Variants in FAM81A observed in about 807,000 individuals in gnomAD.
FAM81A encodes the protein family with sequence similarity 81 member A.
Under a neutral mutation model 46.7 loss-of-function variants are expected in FAM81A, and 19 were observed. That is an observed-to-expected ratio of 0.41 (90% CI 0.28 to 0.60). The LOEUF is 0.60. Ranked by LOEUF, FAM81A falls within the 20% of genes least tolerant of loss-of-function variation. The pLI, the probability that FAM81A is intolerant of heterozygous loss-of-function variation, is 0.34. For synonymous variants in FAM81A, 183 were observed against 152.9 expected (o/e 1.20, Z -1.45); for missense variants, 377 against 453.5 (o/e 0.83, Z 1.53).
At chr15:59,498,840 A>T (rs2082061156) in intron 4 of FAM81A, among the ~76,000 whole-genome samples, 1 of 152,098 alleles carries the variant, frequency 6.6e-6, no homozygotes, top group East Asian at 1.9e-4. Context: ...TTTCTGTTAG[A>T]GATGGGGATT....
chr15:59,450,693 T>C (rs542146468), intron 1 of FAM81A, among the ~76,000 whole-genome samples: 1 of 152,358 alleles, frequency 6.6e-6, no homozygotes, highest in East Asian at 1.9e-4. Context: ...ATGTTGCATA[T>C]ATTAAGAACA....
intron 2 of FAM81A, among the ~76,000 whole-genome samples, chr15:59,422,089 A>C (rs1162161141): frequency 6.6e-6 from 1 of 152,174 alleles, no homozygotes; most frequent in African/African-American, 2.4e-5. Context: ...TAAGCATTTT[A>C]AAGTATTTTT....
chr15:59,405,125 C>G (rs985960675), intron 2 of FAM81A, among the ~76,000 whole-genome samples: 1 of 152,346 alleles, frequency 6.6e-6, no homozygotes, highest in South Asian at 2.1e-4. Context: ...TCCCTGACCA[C>G]TCAGTCTAAG....
chr15:59,426,290 A>T, intron 2 of FAM81A, among the ~76,000 whole-genome samples: 1 of 143,322 alleles, frequency 7.0e-6, no homozygotes, highest in African/African-American at 2.8e-5. Context: ...ACTCTGGATT[A>T]AAAAAAAAAA....
At chr15:59,414,057 G>A (rs1013285157) in intron 2 of FAM81A, among the ~76,000 whole-genome samples, 1 of 152,042 alleles carries the variant, frequency 6.6e-6, no homozygotes, top group Non-Finnish European at 1.5e-5. Flanking sequence ...GGGTTCAAGC[G>A]ATTCTCTTCC....
intron 1 of FAM81A, among the ~76,000 whole-genome samples, chr15:59,455,697 G>A (rs575997952): frequency 6.6e-4 from 100 of 152,150 alleles, no homozygotes; most frequent in Non-Finnish European, 1.2e-3. Context: ...GCTGCATAGC[G>A]CTTAGGAGGG....
At chr15:59,470,398 A>T (rs1216849015) in intron 3 of FAM81A, among the ~76,000 whole-genome samples, 1 of 151,974 alleles carries the variant, frequency 6.6e-6, no homozygotes, top group Non-Finnish European at 1.5e-5. Context: ...GGCTTTACTA[A>T]TTTCTTTTTA....
intron 4 of FAM81A, among the ~76,000 whole-genome samples, chr15:59,500,683 TTTTC>T (rs1351887471): frequency 1.3e-5 from 2 of 151,938 alleles, no homozygotes; most frequent in Non-Finnish European, 2.9e-5. Flanking sequence ...CTCTCTTCAT[TTTTC>T]TTTCTTTCTT....
intron 1 of FAM81A, among the ~76,000 whole-genome samples, chr15:59,450,567 T>C (rs939724790): frequency 5.9e-5 from 9 of 152,210 alleles, no homozygotes; most frequent in African/African-American, 2.2e-4. Context: ...ACTTGATCTT[T>C]TCATACTTGA....
At chr15:59,476,290 A>G (rs564422290) in intron 3 of FAM81A, among the ~76,000 whole-genome samples, 2 of 150,666 alleles carry the variant, frequency 1.3e-5, no homozygotes, top group South Asian at 4.2e-4. Flanking sequence ...TGGTATGATC[A>G]TGGCTCACTG....
intron 3 of FAM81A, among the ~76,000 whole-genome samples, chr15:59,468,960 G>C (rs776105367): frequency 6.6e-6 from 1 of 152,064 alleles, no homozygotes; most frequent in Non-Finnish European, 1.5e-5. Flanking sequence ...CCTTCATTTT[G>C]TTATGTACCC....
At chr15:59,441,065 T>A (rs1263276061) in intron 1 of FAM81A, among the ~76,000 whole-genome samples, 2 of 152,236 alleles carry the variant, frequency 1.3e-5, no homozygotes, top group Non-Finnish European at 2.9e-5. Context: ...CCTTCTTTAT[T>A]TCGTCTTTCT....
chr15:59,471,879 G>A (rs1486788362), intron 3 of FAM81A, among the ~76,000 whole-genome samples: 2 of 152,112 alleles, frequency 1.3e-5, no homozygotes, highest in Admixed American at 6.6e-5. Context: ...TAATTGAAGT[G>A]CATTTGTCTT....
At chr15:59,487,973 A>C (rs1199572286) in intron 3 of FAM81A, among the ~76,000 whole-genome samples, 1 of 152,146 alleles carries the variant, frequency 6.6e-6, no homozygotes, top group East Asian at 1.9e-4. Context: ...AAAAAACAAA[A>C]AACCTACAGG....
chr15:59,503,548 C>G (rs1005507913), intron 4 of FAM81A, among the ~76,000 whole-genome samples: 2 of 151,744 alleles, frequency 1.3e-5, no homozygotes, highest in Non-Finnish European at 2.9e-5. Context: ...TCTGCTACAT[C>G]TATGTACTAT....
intron 3 of FAM81A, among the ~76,000 whole-genome samples, chr15:59,490,508 T>C (rs1264789329): frequency 5.3e-5 from 8 of 152,170 alleles, no homozygotes; most frequent in Non-Finnish European, 1.2e-4. Context: ...CTCAACATCA[T>C]TGATCATCAG....
chr15:59,521,263 C>T lies in FAM81A; in HGVS notation c.992C>T (p.Ala331Val). 1 of 1,612,734 alleles carries T rather than the reference C, an allele frequency of 6.2e-7. No individual in the cohort carries two copies. Among genetic ancestry groups the T allele is most frequent in the East Asian group, 2.2e-5 (1 of 44,788 alleles). ...TTACCTCTCCTTCAAGGGTTTACAG[C>T]CGTCTATGAAAGCATAGGATCCCTC... ...MKAEVNAGFT[A>V]VYESIGSLRQ... Residue 331 changes from alanine (A) to valine (V), a missense_variant, in exon 9 of 9, where the codon GCC (alanine) becomes GTC (valine). Coordinates refer to ENST00000288228, the MANE Select transcript of FAM81A (RefSeq NM_152450.3).
chr15:59,517,328 A>G (rs1177482823), intron 8 of FAM81A, among the ~76,000 whole-genome samples: 2 of 152,172 alleles, frequency 1.3e-5, no homozygotes, highest in African/African-American at 4.8e-5. Flanking sequence ...GCTGTCATAT[A>G]TGGGAGGGAT....
At chr15:59,456,951 C>G (rs1479775039) in intron 1 of FAM81A, among the ~76,000 whole-genome samples, 1 of 152,142 alleles carries the variant, frequency 6.6e-6, no homozygotes, top group East Asian at 1.9e-4. Flanking sequence ...AGTTAGGTTA[C>G]TTAATTACCT....
Sources: allele counts gnomAD v4.1 joint callset (sites outside exome capture counted in the v4.1 genomes callset), GRCh38; gene constraint gnomAD v4.1.1; transcripts MANE v1.5; gene names NCBI Gene and HGNC (gene_info 2026-07-23, HGNC 2026-07-21).